OLFML2A: variants seen among roughly 807,000 people sequenced by gnomAD.
The protein encoded by OLFML2A is olfactomedin like 2A.
In OLFML2A, 47 loss-of-function variants were observed where a neutral mutation model predicts 60.9. The ratio of observed to expected loss-of-function variants is 0.77; its 90% CI spans 0.61 to 0.98. The LOEUF is 0.98. Ranked by LOEUF, OLFML2A falls within the 50% of genes least tolerant of loss-of-function variation. OLFML2A has a pLI of 0.00. For missense variants in OLFML2A, 922 were observed against 879.8 expected, an observed-to-expected ratio of 1.05 and a Z score of -0.61; for synonymous variants, 372 against 375.0, an observed-to-expected ratio of 0.99 and a Z score of 0.09.
chr9:124,793,410 G>T (rs1415083849), intron 2 of OLFML2A, among the ~76,000 whole-genome samples: 1 of 152,250 alleles, frequency 6.6e-6, no homozygotes, highest in Non-Finnish European at 1.5e-5. Context: ...CTGCTGACCT[G>T]TTGTGCAAGG....
At chr9:124,801,121 C>A (rs898010018) in intron 4 of OLFML2A, 12 of 1,456,708 alleles carry the variant, frequency 8.2e-6, no homozygotes, top group Non-Finnish European at 4.7e-6. Flanking sequence ...GTCCTTCTAG[C>A]CTGCCCCCCA....
At position 124,807,788 on chromosome 9, in the gene OLFML2A, G is replaced by A. The variant is rs1409974104; in HGVS notation, c.1176G>A (p.Glu392=). The change falls in exon 7 of 8, where the codon GAG becomes GAA. Residue 392 remains glutamate (E), a synonymous_variant. Coordinates refer to ENST00000373580, the MANE Select transcript of OLFML2A (RefSeq NM_182487.4). ...SGPEVSSQGR[E]ASCEGTLRAV... ...CTGCCCTCCTCCCCACAGGCAGAGA[G>A]GCGAGCTGTGAGGGCACCCTCCGGG... 6.2e-7 allele frequency: 1 copy of A among 1,611,130 alleles called. No homozygotes were observed. The highest frequency in any genetic ancestry group is 2.2e-5 in the East Asian group (1 of 44,866).
rs1368691594 is a variant in OLFML2A at position 124,779,594 on chromosome 9, G to T, written c.90+2234G>T. 6.6e-6 allele frequency among the ~76,000 whole-genome samples: 1 copy of T among 151,992 alleles called. No individual in the cohort carries two copies. Among genetic ancestry groups the T allele is most frequent in the Non-Finnish European group, 1.5e-5 (1 of 67,976 alleles). ...CCCAGGACAAGCTGGGGCTGGTGGG[G>T]TGGAGAGGCACAACCTAGAGCTTGC... is the stretch of plus-strand genomic sequence containing the variant. On this transcript the variant is annotated intron_variant, in intron 1 of 7. Coordinates refer to ENST00000373580, the MANE Select transcript of OLFML2A (RefSeq NM_182487.4). The surrounding 1 kb of genome is among the most constrained non-coding windows in gnomAD (Gnocchi z 4.1).
chr9:124,799,389 G>C lies in OLFML2A; in HGVS notation c.567G>C (p.Leu189=), dbSNP rs1232623682. 1.9e-6 allele frequency: 3 copies of C among 1,613,894 alleles called. No individual in the cohort carries two copies. The South Asian group carries it at 3.3e-5, about 18-fold the overall frequency. The part of the protein sequence containing the change: ...RHYENHSAIM[L]GIKKELSRLG... ...ATGAGAATCACTCTGCCATCATGCTGGGCATCAAGAAGGAGCTGTCCCGCC... is the reference window on the plus strand; with the variant it reads ...ATGAGAATCACTCTGCCATCATGCTCGGCATCAAGAAGGAGCTGTCCCGCC... The change falls in exon 4 of 8, where the codon CTG becomes CTC. Residue 189 remains leucine (L), a synonymous_variant. Transcript: ENST00000373580.
chr9:124,791,701 G>A (rs1184293411), intron 2 of OLFML2A, among the ~76,000 whole-genome samples: 1 of 134,838 alleles, frequency 7.4e-6, no homozygotes, highest in African/African-American at 2.9e-5. Flanking sequence ...TCGTGCCATT[G>A]CACTCCAGCC....
At chr9:124,800,526 C>T (rs535317832) in intron 4 of OLFML2A, among the ~76,000 whole-genome samples, 45 of 152,338 alleles carry the variant, frequency 3.0e-4, no homozygotes, top group African/African-American at 9.6e-4. Context: ...CCAAGCCCAC[C>T]CTCTTCCTCT....
Position 124,807,784 on chromosome 9 carries a change from G to C in OLFML2A, c.1172G>C (p.Arg391Thr), listed in dbSNP as rs145171251. 3,661 of 1,610,106 alleles carry C rather than the reference G, an allele frequency of 2.3e-3. 70 individuals are homozygous for C. The African/African-American group carries it at 0.039, about 17-fold the overall frequency. ...PSGPEVSSQGREASCEGTLRA... is the reference protein window; with the variant it reads ...PSGPEVSSQGTEASCEGTLRA... ...CTGCCTGCCCTCCTCCCCACAGGCA[G>C]AGAGGCGAGCTGTGAGGGCACCCTC... The change falls in exon 7 of 8, where the codon AGA (arginine) becomes ACA (threonine). Residue 391 changes from arginine (R) to threonine (T), a missense_variant. Physicochemically the swap from Arg to Thr is moderately conservative, Grantham distance 71 (BLOSUM62 -1). Transcript: ENST00000373580.
At chr9:124,808,109 G>A (rs1163858425) in intron 7 of OLFML2A, 143 bp downstream of exon 7, 11 of 663,400 alleles carry the variant, frequency 1.7e-5, no homozygotes, top group African/African-American at 1.8e-5. Flanking sequence ...CCCAAGGAGG[G>A]GGTTCTGGGC....
intron 3 of OLFML2A, among the ~76,000 whole-genome samples, chr9:124,797,823 G>T (rs887290413): frequency 6.6e-6 from 1 of 152,216 alleles, no homozygotes; most frequent in East Asian, 1.9e-4. Flanking sequence ...CCTAGATAGC[G>T]GGAGGTTCAC....
At chr9:124,786,757 CACACA>C (rs1841480288) in intron 1 of OLFML2A, among the ~76,000 whole-genome samples, 1 of 106,584 alleles carries the variant, frequency 9.4e-6, no homozygotes, top group Non-Finnish European at 1.7e-5. Flanking sequence ...TAGACACACA[CACACA>C]CACACACACA....
chr9:124,812,808 T>C lies in OLFML2A; in HGVS notation c.*2396T>C, dbSNP rs1163226995. 6.6e-6 allele frequency: 1 copy of C among 152,204 alleles called. No individual in the cohort carries two copies. Among genetic ancestry groups the C allele is most frequent in the African/African-American group, 2.4e-5 (1 of 41,446 alleles). 9.4% of individuals were successfully genotyped at this position (152,204 alleles called of 1,614,324 possible). On this transcript the variant is annotated 3_prime_UTR_variant, in exon 8 of 8. Transcript: ENST00000373580. Reference sequence around the variant, plus strand: ...AAGGAAAGTGAGAATAGGCTGATTTTTAAAAGTTAAGGGGCAAGCAGCATT... The same window carrying C: ...AAGGAAAGTGAGAATAGGCTGATTTCTAAAAGTTAAGGGGCAAGCAGCATT...
At chr9:124,790,529 C>A (rs922368167) in intron 2 of OLFML2A, among the ~76,000 whole-genome samples, 3 of 152,162 alleles carry the variant, frequency 2.0e-5, no homozygotes, top group Non-Finnish European at 4.4e-5. Flanking sequence ...CGTGAGACCA[C>A]CTTCTCAGCC....
rs1028422440 is a variant in OLFML2A, at chr9:124,810,612, C to T, written c.*200C>T. The T allele has an allele frequency of 8.4e-6, 5 of 597,764 alleles. No individual in the cohort carries two copies. Among genetic ancestry groups the T allele is most frequent in the African/African-American group, 1.9e-5 (1 of 53,804 alleles). 37.0% of individuals were successfully genotyped at this position (597,764 alleles called of 1,614,324 possible). On this transcript the variant is annotated 3_prime_UTR_variant, in exon 8 of 8. Coordinates refer to ENST00000373580, the MANE Select transcript of OLFML2A (RefSeq NM_182487.4). Reference sequence around the variant, plus strand: ...TCCACTTGCAGAGCACCGTGCCAAGCACTTCCCACACACTTACCCGTTTGA... The same window carrying T: ...TCCACTTGCAGAGCACCGTGCCAAGTACTTCCCACACACTTACCCGTTTGA...
rs1376402433 is a variant in OLFML2A at position 124,799,364 on chromosome 9, A to T, written c.542A>T (p.Tyr181Phe). The T allele has an allele frequency of 1.9e-6, 3 of 1,613,574 alleles. No homozygotes were observed. Among genetic ancestry groups the T allele is most frequent in the East Asian group, 4.5e-5 (2 of 44,880 alleles). ...VRHLSEQLRH[Y>F]ENHSAIMLGI... ...CACCTCAGTGAGCAGTTGAGGCACT[A>T]TGAGAATCACTCTGCCATCATGCTG... is the stretch of plus-strand genomic sequence containing the variant. Residue 181 changes from tyrosine to phenylalanine, a missense_variant, in exon 4 of 8, where the codon TAT becomes TTT. Transcript: ENST00000373580.
chr9:124,802,114 C>A (rs1415569571), intron 5 of OLFML2A, among the ~76,000 whole-genome samples: 2 of 152,150 alleles, frequency 1.3e-5, no homozygotes, highest in African/African-American at 4.8e-5. Context: ...TCTCTCATTT[C>A]CTCTCCAGCT....
chr9:124,798,882 A>C (rs1841716157), intron 3 of OLFML2A, among the ~76,000 whole-genome samples: 1 of 152,220 alleles, frequency 6.6e-6, no homozygotes, highest in Non-Finnish European at 1.5e-5. Flanking sequence ...TAGGCTGTTC[A>C]GCAAAAAAGA....
chr9:124,793,719 G>C (rs940633245), intron 2 of OLFML2A, among the ~76,000 whole-genome samples: 1 of 152,154 alleles, frequency 6.6e-6, no homozygotes, highest in Non-Finnish European at 1.5e-5. Flanking sequence ...TCATGTGCAA[G>C]TGATTTATTT....
Position 124,786,963 on chromosome 9 carries a change from C to T in OLFML2A, c.91-12C>T. ...AGCAACTCACTGGAGCCCCTCTTGC[C>T]CCCCGCAACAGGTGTTTGGGGACCT... On this transcript the variant is annotated splice_polypyrimidine_tract_variant and intron_variant, in intron 1 of 7. Coordinates refer to ENST00000373580, the MANE Select transcript of OLFML2A (RefSeq NM_182487.4). 1 of 1,602,546 alleles carries T rather than the reference C, an allele frequency of 6.2e-7. No homozygotes were observed. The highest frequency in any genetic ancestry group is 8.5e-7 in the Non-Finnish European group (1 of 1,171,656).
chr9:124,785,398 T>C (rs950558128), intron 1 of OLFML2A, among the ~76,000 whole-genome samples: 1 of 123,902 alleles, frequency 8.1e-6, no homozygotes, highest in Non-Finnish European at 1.7e-5. Context: ...TTCTTTTTTT[T>C]TTTTTTTTTT....
Sources: allele counts gnomAD v4.1 joint callset (sites outside exome capture counted in the v4.1 genomes callset), GRCh38; gene constraint gnomAD v4.1.1; non-coding constraint Gnocchi (gnomAD v3.1); transcripts MANE v1.5; gene names NCBI Gene and HGNC (gene_info 2026-07-23, HGNC 2026-07-21).